MAPK8: variants seen among roughly 807,000 people sequenced by gnomAD.
MAPK8 encodes JUN N-terminal kinase.
In MAPK8, 13 loss-of-function variants were observed where a neutral mutation model predicts 52.9. The ratio of observed to expected loss-of-function variants is 0.25; its 90% CI spans 0.16 to 0.39. The LOEUF (loss-of-function observed/expected upper bound fraction) is 0.39, where lower values mean the gene tolerates loss of function less well. MAPK8 is among the 10% of genes least tolerant of loss of function. MAPK8 has a pLI of 1.00. For missense variants in MAPK8, 300 were observed against 519.2 expected (o/e 0.58, Z 4.10); for synonymous variants, 191 against 169.8 (o/e 1.12, Z -0.97).
chr10:48,361,572 A>T (rs370760692), intron 1 of MAPK8, among the ~76,000 whole-genome samples: 14 of 152,322 alleles, frequency 9.2e-5, no homozygotes, highest in African/African-American at 3.4e-4. Context: ...AATGTATTAT[A>T]GCTATCATCA....
rs150492145 is a variant in MAPK8 at position 48,332,919 on chromosome 10, G to C, written c.-50+26098G>C. ...TCAAGGAGCTTTAGGGCCTGGTTAA[G>C]AGCATAATAATTCACAGGTTTGGGC... On this transcript the variant is annotated intron_variant, in intron 1 of 11. Coordinates refer to ENST00000374189, the MANE Select transcript of MAPK8 (RefSeq NM_001323329.2). 3.9e-3 allele frequency among the ~76,000 whole-genome samples: 600 copies of C among 152,282 alleles called. 2 individuals are homozygous for C. Among genetic ancestry groups the C allele is most frequent in the African/African-American group, 0.013 (559 of 41,560 alleles).
At chr10:48,422,123 C>T (rs2043404015) in intron 6 of MAPK8, among the ~76,000 whole-genome samples, 1 of 152,008 alleles carries the variant, frequency 6.6e-6, no homozygotes, top group African/African-American at 2.4e-5. Flanking sequence ...GCCTCCACCT[C>T]CTGGCTTCAA....
intron 5 of MAPK8, among the ~76,000 whole-genome samples, chr10:48,415,636 A>G (rs1005228258): frequency 6.6e-6 from 1 of 152,188 alleles, no homozygotes; most frequent in African/African-American, 2.4e-5. Context: ...GCAAACATTA[A>G]AACAAGGGTA....
intron 1 of MAPK8, among the ~76,000 whole-genome samples, chr10:48,310,146 T>C (rs1274080457): frequency 3.9e-5 from 6 of 152,238 alleles, no homozygotes; most frequent in Admixed American, 3.3e-4. Context: ...GGTTCATTTC[T>C]CAGTTCTGCC....
At chr10:48,381,134 A>G (rs1366582083) in intron 1 of MAPK8, among the ~76,000 whole-genome samples, 1 of 152,222 alleles carries the variant, frequency 6.6e-6, no homozygotes, top group Non-Finnish European at 1.5e-5. Flanking sequence ...TTGTATCAGT[A>G]TATTATTAAT....
Position 48,310,729 on chromosome 10 carries a change from TTGTG to T in MAPK8, c.-50+3930_-50+3933del, listed in dbSNP as rs111302388. ...TTTCACTGAAATCCAGTTTTTAAAATTGTGTGTGTGTGTGTGTGTGTGTGTATGT... is the reference window on the plus strand; with the variant it reads ...TTTCACTGAAATCCAGTTTTTAAAATTGTGTGTGTGTGTGTGTGTGTATGT... On this transcript the variant is annotated intron_variant, in intron 1 of 11. Transcript: ENST00000374189. 3.3e-3 allele frequency among the ~76,000 whole-genome samples: 491 copies of T among 149,068 alleles called. 4 individuals are homozygous for T. Among genetic ancestry groups the T allele is most frequent in the African/African-American group, 0.011 (433 of 40,758 alleles).
intron 1 of MAPK8, among the ~76,000 whole-genome samples, chr10:48,400,717 C>A (rs1211126924): frequency 2.0e-5 from 3 of 152,106 alleles, no homozygotes; most frequent in Non-Finnish European, 4.4e-5. Context: ...TAACTTTAGA[C>A]CTAATTGGTT....
In MAPK8 at chr10:48,425,836, T is replaced by TG. The variant is rs367743943; in HGVS notation, c.689-52_689-51insG. The TG allele has an allele frequency of 3.7e-5, 37 of 1,005,296 alleles. 1 individual carries two copies. In the South Asian group the frequency reaches 4.3e-4, roughly 12 times the overall value. The allele number at this position is 1,005,296 out of a possible 1,614,324, so 62.3% of individuals were successfully genotyped here. A position where few individuals can be genotyped will look rare whatever the true frequency, so the allele number is the denominator to read the frequency against. ...TATTTTCTTGTAATATGAATATGACTAATGTATTGAACATTAGTTATGGAG... is the reference window on the plus strand; with the variant it reads ...TATTTTCTTGTAATATGAATATGACTGAATGTATTGAACATTAGTTATGGAG... On this transcript the variant is annotated intron_variant, in intron 7 of 11. Coordinates refer to ENST00000374189, the MANE Select transcript of MAPK8 (RefSeq NM_001323329.2).
At chr10:48,312,930 T>C (rs1483129358) in intron 1 of MAPK8, among the ~76,000 whole-genome samples, 1 of 152,208 alleles carries the variant, frequency 6.6e-6, no homozygotes, top group Non-Finnish European at 1.5e-5. Flanking sequence ...GCCTGGAAAC[T>C]GTTAAAATTC....
intron 1 of MAPK8, among the ~76,000 whole-genome samples, chr10:48,380,582 A>G (rs1280190043): frequency 2.0e-5 from 3 of 150,088 alleles, no homozygotes; most frequent in Non-Finnish European, 4.4e-5. Context: ...AAGTACAAAA[A>G]AATTAGCCGG....
chr10:48,425,267 A>G, intron 7 of MAPK8: 1 of 710,078 alleles, frequency 1.4e-6, no homozygotes, highest in Non-Finnish European at 2.6e-6. Flanking sequence ...TAAAGACTAG[A>G]GGAAAGGAGA....
intron 10 of MAPK8, among the ~76,000 whole-genome samples, chr10:48,429,155 G>A (rs148414801): frequency 6.6e-6 from 1 of 152,030 alleles, no homozygotes; most frequent in Non-Finnish European, 1.5e-5. Flanking sequence ...TAGAGATGGG[G>A]TCTCACTGTG....
intron 1 of MAPK8, among the ~76,000 whole-genome samples, chr10:48,375,673 C>T (rs915234164): frequency 6.6e-6 from 1 of 151,890 alleles, no homozygotes; most frequent in Non-Finnish European, 1.5e-5. Context: ...TAGGTATGCA[C>T]CTTACAAGGG....
intron 1 of MAPK8, among the ~76,000 whole-genome samples, chr10:48,331,984 T>TG (rs1159190740): frequency 2.0e-5 from 3 of 152,180 alleles, no homozygotes; most frequent in Non-Finnish European, 4.4e-5. Context: ...GGAAGGGGGA[T>TG]GCCAAGGGGT....
intron 7 of MAPK8, chr10:48,425,050 C>T (rs2043592630): frequency 1.6e-6 from 1 of 608,266 alleles, no homozygotes; most frequent in Admixed American, 2.7e-5. Flanking sequence ...AGAATTTCAG[C>T]AGTAGTAGTT....
At chr10:48,432,169 G>T (rs1459252596) in intron 11 of MAPK8, among the ~76,000 whole-genome samples, 2 of 152,254 alleles carry the variant, frequency 1.3e-5, no homozygotes, top group East Asian at 3.9e-4. Flanking sequence ...AGAGTGAGTA[G>T]TATTTCAAAA....
chr10:48,332,547 T>C (rs2178339), intron 1 of MAPK8, among the ~76,000 whole-genome samples: 124,476 of 152,168 alleles, frequency 0.82, 51,207 homozygotes, highest in African/African-American at 0.91. Flanking sequence ...TCTTCTTTCT[T>C]CTCTCTGATA....
intron 1 of MAPK8, among the ~76,000 whole-genome samples, chr10:48,328,227 C>CA (rs1033519810): frequency 1.8e-4 from 27 of 151,628 alleles, no homozygotes; most frequent in African/African-American, 6.5e-4. Flanking sequence ...CCATGTTGGC[C>CA]AGGGTGGTCT....
At chr10:48,326,718 T>C (rs1843558931) in intron 1 of MAPK8, among the ~76,000 whole-genome samples, 1 of 152,190 alleles carries the variant, frequency 6.6e-6, no homozygotes, top group Non-Finnish European at 1.5e-5. Flanking sequence ...CTATATAAGC[T>C]AAACATGAAT....
Sources: gnomAD v4.1 joint callset for allele counts (sites outside exome capture counted in the v4.1 genomes callset) on GRCh38, gnomAD v4.1.1 for gene constraint, MANE v1.5 for transcripts, NCBI Gene and HGNC (gene_info 2026-07-23, HGNC 2026-07-21) for gene names.